The following ZYG11B variants were observed in gnomAD, a reference collection of about 807,000 sequenced individuals.
The protein encoded by ZYG11B is zyg-11 family member B, cell cycle regulator, also known as protein zyg-11 homolog B.
In ZYG11B, 36 loss-of-function variants were observed where a neutral mutation model predicts 82.4. That is an observed-to-expected ratio of 0.44 (90% CI 0.33 to 0.58). The LOEUF is 0.58. Ranked by LOEUF, ZYG11B falls within the 20% of genes least tolerant of loss-of-function variation. The pLI, the probability that ZYG11B is intolerant of heterozygous loss-of-function variation, is 0.02. For missense variants in ZYG11B, 552 were observed against 895.6 expected (o/e 0.62, Z 4.90); for synonymous variants, 303 against 312.8 (o/e 0.97, Z 0.33).
intron 13 of ZYG11B, among the ~76,000 whole-genome samples, chr1:52,818,069 C>G (rs996974551): frequency 6.6e-6 from 1 of 151,086 alleles, no homozygotes; most frequent in African/African-American, 2.4e-5. Flanking sequence ...AACCCCTGAC[C>G]TCAGGTGATC....
At chr1:52,776,229 A>AAAAAATATATATATATATATATAT in intron 3 of ZYG11B, among the ~76,000 whole-genome samples, 2 of 23,540 alleles carry the variant, frequency 8.5e-5, no homozygotes, top group Admixed American at 8.1e-4. Context: ...TAAAAAAAAA[A>AAAAAATATATATATATATATATAT]ATATATATAT....
rs1558137821 is a variant in ZYG11B, at chr1:52,797,427, T to TA, written c.1485+643_1485+644insA. On this transcript the variant is annotated intron_variant, in intron 8 of 13. Transcript: ENST00000294353. ...AAATATATATCATATATTATACATA[T>TA]TATATATAACATATATATTATATAT... Among the ~76,000 whole-genome samples the TA allele has an allele frequency of 5.2e-3, 502 of 95,950 alleles. 1 individual carries two copies. Among genetic ancestry groups the TA allele is most frequent in the African/African-American group, 0.03 (471 of 15,928 alleles). The allele number at this position is 95,950 out of a possible 152,430, so 62.9% of individuals were successfully genotyped here. A position where few individuals can be genotyped will look rare whatever the true frequency, so the allele number is the denominator to read the frequency against.
intron 2 of ZYG11B, among the ~76,000 whole-genome samples, chr1:52,763,051 G>T (rs1288370321): frequency 6.6e-6 from 1 of 150,764 alleles, no homozygotes; most frequent in Non-Finnish European, 1.5e-5. Flanking sequence ...TGACCAGACT[G>T]TTCTTTTCCC....
At chr1:52,772,553 G>A (rs919966034) in intron 3 of ZYG11B, 67 of 1,607,756 alleles carry the variant, frequency 4.2e-5, no homozygotes, top group Non-Finnish European at 5.4e-5. Context: ...GCTCCTTCAC[G>A]TCGTCAGATG....
intron 1 of ZYG11B, among the ~76,000 whole-genome samples, chr1:52,741,298 C>CAAGAAA (rs1644428124): frequency 1.4e-5 from 1 of 72,222 alleles, no homozygotes; most frequent in Non-Finnish European, 2.7e-5. Context: ...GACTTCGTCT[C>CAAGAAA]AAAAAAAAAA....
At position 52,796,986 on chromosome 1, in the gene ZYG11B, AT is replaced by A. The variant is rs57266374; in HGVS notation, c.1485+208del. Among the ~76,000 whole-genome samples, 596 of 73,626 alleles carry A rather than the reference AT, an allele frequency of 8.1e-3. 7 individuals carry two copies. Among genetic ancestry groups the A allele is most frequent in the African/African-American group, 0.042 (391 of 9,236 alleles). The allele number at this position is 73,626 out of a possible 152,430, so 48.3% of individuals were successfully genotyped here. ...ATATATAATATATATAAATATATATATTTTTTATATAAATATATTATATATT... is the reference window on the plus strand; with the variant it reads ...ATATATAATATATATAAATATATATATTTTTATATAAATATATTATATATT... On this transcript the variant is annotated intron_variant, in intron 8 of 13. Coordinates refer to ENST00000294353, the MANE Select transcript of ZYG11B (RefSeq NM_024646.3).
At chr1:52,789,580 G>GAA (rs1341357928) in intron 5 of ZYG11B, among the ~76,000 whole-genome samples, 1 of 152,064 alleles carries the variant, frequency 6.6e-6, no homozygotes, top group East Asian at 1.9e-4. Flanking sequence ...TCACTCTTTA[G>GAA]AGGCCAGTGT....
At chr1:52,744,039 C>T (rs1480368210) in intron 1 of ZYG11B, among the ~76,000 whole-genome samples, 2 of 152,002 alleles carry the variant, frequency 1.3e-5, no homozygotes, top group African/African-American at 4.8e-5. Context: ...TGGGTTCAAG[C>T]GATTCTCCTG....
At chr1:52,791,660 C>T (rs755970966) in intron 6 of ZYG11B, among the ~76,000 whole-genome samples, 4 of 152,152 alleles carry the variant, frequency 2.6e-5, no homozygotes, top group East Asian at 1.9e-4. Flanking sequence ...TGAGCCACTG[C>T]GCCTGGCCTT....
intron 1 of ZYG11B, among the ~76,000 whole-genome samples, chr1:52,739,534 C>A (rs1395366333): frequency 6.6e-6 from 1 of 152,118 alleles, no homozygotes; most frequent in South Asian, 2.1e-4. Flanking sequence ...GAGCTCTAAC[C>A]TCTCAATGTA....
At chr1:52,803,574 A>G (rs930560308) in intron 10 of ZYG11B, among the ~76,000 whole-genome samples, 1 of 151,976 alleles carries the variant, frequency 6.6e-6, no homozygotes, top group Non-Finnish European at 1.5e-5. Context: ...GGTATTGTAC[A>G]AAGTTTCACA....
chr1:52,732,482 G>A (rs1042257700), intron 1 of ZYG11B, among the ~76,000 whole-genome samples: 65 of 152,234 alleles, frequency 4.3e-4, no homozygotes, highest in African/African-American at 1.3e-3. Context: ...TAATTTGGCC[G>A]GGTGTGGTGG....
At chr1:52,765,413 G>C (rs140272443) in intron 2 of ZYG11B, among the ~76,000 whole-genome samples, 22 of 151,398 alleles carry the variant, frequency 1.5e-4, no homozygotes, top group Non-Finnish European at 2.4e-4. Flanking sequence ...TCTATGTTGT[G>C]CAGGCTGGTC....
intron 1 of ZYG11B, among the ~76,000 whole-genome samples, chr1:52,744,609 A>G (rs1422634040): frequency 1.3e-5 from 2 of 152,310 alleles, no homozygotes; most frequent in Admixed American, 6.5e-5. Context: ...TTGGGAGGCC[A>G]AGGCGGGCGG....
At chr1:52,810,864 G>GT (rs1439915962) in intron 10 of ZYG11B, among the ~76,000 whole-genome samples, 1 of 151,778 alleles carries the variant, frequency 6.6e-6, no homozygotes, top group African/African-American at 2.4e-5. Flanking sequence ...GCGAAACCCT[G>GT]TATCTACTAA....
intron 2 of ZYG11B, among the ~76,000 whole-genome samples, chr1:52,757,797 T>G (rs139576312): frequency 1.5e-4 from 23 of 152,274 alleles, no homozygotes; most frequent in South Asian, 6.2e-4. Flanking sequence ...CACAGCCAAT[T>G]TAGTACTTTG....
intron 10 of ZYG11B, among the ~76,000 whole-genome samples, chr1:52,809,152 T>C (rs1345482412): frequency 6.6e-6 from 1 of 151,868 alleles, no homozygotes; most frequent in African/African-American, 2.4e-5. Context: ...AAAAAATTTA[T>C]TATGTTTTAA....
Position 52,783,987 on chromosome 1 carries a change from T to C in ZYG11B, c.1093-890T>C, listed in dbSNP as rs564107515. Among the ~76,000 whole-genome samples, 243 of 147,528 alleles carry C rather than the reference T, an allele frequency of 1.6e-3. 3 individuals carry two copies. Among genetic ancestry groups the C allele is most frequent in the Admixed American group, 0.014 (205 of 15,026 alleles). ...ACACACATATACACACACACACACA[T>C]ATATATATATAGAGAGAGAGAGAGA... On this transcript the variant is annotated intron_variant, in intron 4 of 13. Transcript: ENST00000294353.
At chr1:52,727,561 A>G (rs1267505266) in intron 1 of ZYG11B, among the ~76,000 whole-genome samples, 1 of 152,084 alleles carries the variant, frequency 6.6e-6, no homozygotes, top group African/African-American at 2.4e-5. Flanking sequence ...AAAAATACTT[A>G]TTTACAAGCT....
Sources: allele counts gnomAD v4.1 joint callset (sites outside exome capture counted in the v4.1 genomes callset), GRCh38; gene constraint gnomAD v4.1.1; transcripts MANE v1.5; gene names NCBI Gene and HGNC (gene_info 2026-07-23, HGNC 2026-07-21).